Variants in AKAP11 observed in about 807,000 individuals in gnomAD.
The protein encoded by AKAP11 is A-kinase anchoring protein 11.
Under a neutral mutation model 146.1 loss-of-function variants are expected in AKAP11, and 36 were observed. The observed-to-expected ratio is 0.25, with a 90% CI of 0.19 to 0.33. The LOEUF is 0.33. Among genes scored for constraint, AKAP11 ranks in the 10% least tolerant of loss-of-function variants. AKAP11 has a pLI of 1.00. For synonymous variants in AKAP11, 780 were observed against 786.5 expected (o/e 0.99, Z 0.14); for missense variants, 2,201 against 2,197.0 (o/e 1.00, Z -0.04).
chr13:42,301,453 C>T lies in AKAP11; in HGVS notation c.2707C>T (p.Arg903Cys), dbSNP rs561645029. The T allele has an allele frequency of 8.4e-5, 136 of 1,613,220 alleles. No homozygotes were observed. Among genetic ancestry groups the T allele is most frequent in the South Asian group, 2.9e-4 (26 of 90,818 alleles). Reference sequence around the variant, plus strand: ...GGAAGTTACAAAAATGGTTGATGAACGTACAGATTATTTAACTAAATCTTT... The same window carrying T: ...GGAAGTTACAAAAATGGTTGATGAATGTACAGATTATTTAACTAAATCTTT... ...SLEVTKMVDE[R>C]TDYLTKSLKE... The change falls in exon 8 of 13, where the codon CGT becomes TGT. Residue 903 changes from arginine to cysteine, a missense_variant. This residue lies in a region of AKAP11 where 1,867 missense variants were observed against 1,833.5 expected (regional missense o/e 1.02). Transcript: ENST00000025301.
At position 42,303,092 on chromosome 13, in the gene AKAP11, A is replaced by G; in HGVS notation, c.4346A>G (p.Asn1449Ser). The change falls in exon 8 of 13, where the codon AAT becomes AGT. Residue 1449 changes from asparagine (N) to serine (S), a missense_variant. By Grantham distance (46) the Asn-to-Ser change is conservative. Around this residue, in one of 3 missense-constraint regions of AKAP11, gnomAD observed 1,867 missense variants for 1,833.5 expected, o/e 1.02. Coordinates refer to ENST00000025301, the MANE Select transcript of AKAP11 (RefSeq NM_016248.4). ...TCERTLDPYR[N>S]EVSQLYSFST... ...GAAAGGACCCTGGATCCATATAGAA[A>G]TGAGGTCTCCCAACTGTATAGTTTT... 6.2e-7 allele frequency: 1 copy of G among 1,614,006 alleles called. No individual in the cohort carries two copies. Among genetic ancestry groups the G allele is most frequent in the Non-Finnish European group, 8.5e-7 (1 of 1,180,000 alleles).
At chr13:42,312,547 C>T (rs1960613594) in intron 9 of AKAP11, among the ~76,000 whole-genome samples, 1 of 152,176 alleles carries the variant, frequency 6.6e-6, no homozygotes, top group Non-Finnish European at 1.5e-5. Flanking sequence ...TAGAAAAGGT[C>T]TGTTTGGGAC....
At chr13:42,294,121 A>G (rs188696420) in intron 4 of AKAP11, among the ~76,000 whole-genome samples, 2 of 152,352 alleles carry the variant, frequency 1.3e-5, no homozygotes, top group Admixed American at 1.3e-4. Flanking sequence ...AGAGTAATAT[A>G]AGATTCTGAC....
chr13:42,308,968 T>C (rs1346496303), intron 9 of AKAP11, among the ~76,000 whole-genome samples: 1 of 152,168 alleles, frequency 6.6e-6, no homozygotes, highest in Non-Finnish European at 1.5e-5. Context: ...GACAGGTATC[T>C]GTAAAAGGCA....
rs573266818 is a variant in AKAP11, at chr13:42,305,719, A to G, written c.5117+1856A>G. 1.5e-4 allele frequency among the ~76,000 whole-genome samples: 23 copies of G among 152,286 alleles called. No homozygotes were observed. In the South Asian group the frequency reaches 1.7e-3, roughly 11 times the overall value. ...AGAGGCTGTATGACCAGCAGTGCCTATGTACTTCCTGTTTGGCCTGTATTA... is the reference window on the plus strand; with the variant it reads ...AGAGGCTGTATGACCAGCAGTGCCTGTGTACTTCCTGTTTGGCCTGTATTA... On this transcript the variant is annotated intron_variant, in intron 8 of 12. Coordinates refer to ENST00000025301, the MANE Select transcript of AKAP11 (RefSeq NM_016248.4).
chr13:42,280,635 C>G (rs936812712), intron 1 of AKAP11, among the ~76,000 whole-genome samples: 1 of 152,130 alleles, frequency 6.6e-6, no homozygotes, highest in South Asian at 2.1e-4. Context: ...GAACTTACAA[C>G]AGGAGGGAAG....
At chr13:42,308,709 T>C in intron 9 of AKAP11, 100 bp downstream of exon 9, 1 of 922,828 alleles carries the variant, frequency 1.1e-6, no homozygotes, top group Admixed American at 3.3e-5. Flanking sequence ...AATTTGAAAA[T>C]ATGCTATTAC....
In AKAP11 at chr13:42,291,041, G is replaced by A. The variant is rs578235640; in HGVS notation, c.52-1344G>A. ...TTGTAATGACAGGTCAGATTCAAAT[G>A]TAACAGTACAGCTTTTTATCATAAA... On this transcript the variant is annotated intron_variant, in intron 3 of 12. Coordinates refer to ENST00000025301, the MANE Select transcript of AKAP11 (RefSeq NM_016248.4). Among the ~76,000 whole-genome samples, 4 of 152,262 alleles carry A rather than the reference G, an allele frequency of 2.6e-5. No homozygotes were observed. The South Asian group carries it at 8.3e-4, about 32-fold the overall frequency.
Position 42,302,513 on chromosome 13 carries a change from T to C in AKAP11, c.3767T>C (p.Leu1256Ser), listed in dbSNP as rs931732983. The part of the protein sequence containing the change: ...LNPSDENLKT[L>S]CNFAGDLAAE... The stretch of plus-strand genomic sequence containing the variant: ...CCCTCAGACGAAAATTTGAAAACAT[T>C]ATGCAATTTTGCGGGTGATCTGGCA... Residue 1256 changes from leucine to serine, a missense_variant, in exon 8 of 13, where the codon TTA (leucine) becomes TCA (serine). Leu to Ser is a moderately radical substitution (Grantham distance 145). Around this residue, in one of 3 missense-constraint regions of AKAP11, gnomAD observed 1,867 missense variants for 1,833.5 expected, o/e 1.02. Transcript: ENST00000025301. The C allele has an allele frequency of 1.9e-5, 30 of 1,591,584 alleles. No individual in the cohort carries two copies. The highest frequency in any genetic ancestry group is 1.7e-4 in the Middle Eastern group (1 of 6,052).
At position 42,301,543 on chromosome 13, in the gene AKAP11, A is replaced by G. The variant is rs761221394; in HGVS notation, c.2797A>G (p.Ser933Gly). The change falls in exon 8 of 13, where the codon AGC becomes GGC. Residue 933 changes from serine (S) to glycine (G), a missense_variant. Coordinates refer to ENST00000025301, the MANE Select transcript of AKAP11 (RefSeq NM_016248.4). ...QAVLQCSEAS[S>G]NKDMFADRLS... ...AGTGCTGCAATGCAGTGAAGCTAGT[A>G]GCAATAAGGACATGTTTGCTGACCG... is the stretch of plus-strand genomic sequence containing the variant. 1 of 1,614,176 alleles carries G rather than the reference A, an allele frequency of 6.2e-7. No individual in the cohort carries two copies. Among genetic ancestry groups the G allele is most frequent in the African/African-American group, 1.3e-5 (1 of 75,064 alleles).
At chr13:42,296,053 C>G (rs923911377) in intron 5 of AKAP11, among the ~76,000 whole-genome samples, 2 of 152,118 alleles carry the variant, frequency 1.3e-5, no homozygotes, top group African/African-American at 2.4e-5. Context: ...GACAGAGGGA[C>G]TGATGTTTGA....
At position 42,303,059 on chromosome 13, in the gene AKAP11, A is replaced by G; in HGVS notation, c.4313A>G (p.Gln1438Arg). 1 of 1,613,036 alleles carries G rather than the reference A, an allele frequency of 6.2e-7. No individual in the cohort carries two copies. The highest frequency in any genetic ancestry group is 8.5e-7 in the Non-Finnish European group (1 of 1,179,802). The change falls in exon 8 of 13, where the codon CAA becomes CGA. Residue 1438 changes from glutamine (Q) to arginine (R), a missense_variant. Physicochemically the swap from Gln to Arg is conservative, Grantham distance 43 (BLOSUM62 1). Around this residue, in one of 3 missense-constraint regions of AKAP11, gnomAD observed 1,867 missense variants for 1,833.5 expected, o/e 1.02. Transcript: ENST00000025301. ...KRNEGYFCKN[Q>R]TCERTLDPYR... ...AATGAAGGTTACTTTTGTAAAAATC[A>G]AACTTGTGAAAGGACCCTGGATCCA...
chr13:42,291,347 G>T (rs562780910), intron 3 of AKAP11, among the ~76,000 whole-genome samples: 5 of 152,136 alleles, frequency 3.3e-5, no homozygotes, highest in Non-Finnish European at 7.4e-5. Flanking sequence ...CCACCTCCCA[G>T]GTTCAAGCAA....
intron 4 of AKAP11, 22 bp from the exon 5 acceptor site, chr13:42,295,673 G>A (rs1419479719): frequency 1.9e-6 from 3 of 1,607,268 alleles, no homozygotes; most frequent in East Asian, 4.5e-5. Flanking sequence ...AATTAATGGA[G>A]GTTTATTTGT....
chr13:42,279,946 T>G (rs2138427411), intron 1 of AKAP11, among the ~76,000 whole-genome samples: 1 of 152,322 alleles, frequency 6.6e-6, no homozygotes, highest in South Asian at 2.1e-4. Flanking sequence ...TAAGGCTGCT[T>G]CTACTAAGGC....
At chr13:42,291,373 C>T (rs1265666130) in intron 3 of AKAP11, among the ~76,000 whole-genome samples, 1 of 152,196 alleles carries the variant, frequency 6.6e-6, no homozygotes, top group East Asian at 1.9e-4. Flanking sequence ...CTGCCTCAGC[C>T]TTCCGAGCAG....
chr13:42,303,364 G>A lies in AKAP11; in HGVS notation c.4618G>A (p.Val1540Ile), dbSNP rs200949482. ...YGCGDNVVQA[V>I]EQYAKKVVDD... Reference sequence around the variant, plus strand: ...TTGTGGAGACAATGTTGTTCAAGCTGTAGAACAGTATGCCAAAAAAGTAGT... The same window carrying A: ...TTGTGGAGACAATGTTGTTCAAGCTATAGAACAGTATGCCAAAAAAGTAGT... The change falls in exon 8 of 13, where the codon GTA (valine) becomes ATA (isoleucine). Residue 1540 changes from valine to isoleucine, a missense_variant. Coordinates refer to ENST00000025301, the MANE Select transcript of AKAP11 (RefSeq NM_016248.4). 3 of 1,613,116 alleles carry A rather than the reference G, an allele frequency of 1.9e-6. No individual in the cohort carries two copies. Among genetic ancestry groups the A allele is most frequent in the East Asian group, 2.2e-5 (1 of 44,888 alleles).
At chr13:42,278,716 A>AAT (rs1958986219) in intron 1 of AKAP11, among the ~76,000 whole-genome samples, 2 of 152,184 alleles carry the variant, frequency 1.3e-5, no homozygotes, top group African/African-American at 4.8e-5. Context: ...AACTTCTGTT[A>AAT]CCCTCATATT....
At chr13:42,289,996 A>G (rs900318679) in intron 3 of AKAP11, among the ~76,000 whole-genome samples, 5 of 152,166 alleles carry the variant, frequency 3.3e-5, no homozygotes, top group African/African-American at 9.7e-5. Context: ...TTTGAAAATC[A>G]TTAATTCAGT....
Sources: allele counts gnomAD v4.1 joint callset (sites outside exome capture counted in the v4.1 genomes callset), GRCh38; gene constraint gnomAD v4.1.1; regional missense constraint gnomAD v4.1.1; transcripts MANE v1.5; gene names NCBI Gene and HGNC (gene_info 2026-07-23, HGNC 2026-07-21).